Variants in HELLS observed in about 807,000 individuals in gnomAD.
The protein encoded by HELLS is lymphoid-specific helicase.
HELLS carries 32 observed loss-of-function variants against 120.0 expected under a neutral mutation model. That is an observed-to-expected ratio of 0.27 (90% confidence interval 0.20 to 0.36). HELLS has a LOEUF of 0.36. Among genes scored for constraint, HELLS ranks in the 10% least tolerant of loss-of-function variants. HELLS has a pLI of 1.00. For synonymous variants in HELLS, 341 were observed against 323.4 expected, an observed-to-expected ratio of 1.05 and a Z score of -0.58; for missense variants, 650 against 993.4, an observed-to-expected ratio of 0.65 and a Z score of 4.65.
In HELLS at chr10:94,576,666, C is replaced by G. The variant is rs886158385; in HGVS notation, c.893C>G (p.Pro298Arg). The G allele has an allele frequency of 6.3e-7, 1 of 1,580,394 alleles. No individual in the cohort carries two copies. Among genetic ancestry groups the G allele is most frequent in the African/African-American group, 1.4e-5 (1 of 73,814 alleles). ...AEFKRFTPDI[P>R]TMLYHGTQEE... ...AATCAATATAAAATTTTTCAGATCC[C>G]TACAATGTTATATCATGGAACCCAG... is the stretch of plus-strand genomic sequence containing the variant. Residue 298 changes from proline (P) to arginine (R), a missense_variant, in exon 10 of 22, where the codon CCT becomes CGT. Transcript: ENST00000348459.
At chr10:94,551,567 A>G (rs112575546) in intron 2 of HELLS, among the ~76,000 whole-genome samples, 1 of 151,952 alleles carries the variant, frequency 6.6e-6, no homozygotes, top group Non-Finnish European at 1.5e-5. Context: ...ACTCCATCTC[A>G]AAAAAGAAAA....
At chr10:94,605,621 TGG>T (rs1368230422), downstream of HELLS, among the ~76,000 whole-genome samples, 1 of 151,002 alleles carries the variant, frequency 6.6e-6, no homozygotes, top group African/African-American at 2.4e-5. Context: ...TCCAGTGTTG[TGG>T]GAGAGAAAAT....
intron 2 of HELLS, among the ~76,000 whole-genome samples, chr10:94,547,752 A>C (rs1466339379): frequency 6.6e-6 from 1 of 152,202 alleles, no homozygotes; most frequent in Non-Finnish European, 1.5e-5. Flanking sequence ...AGGCACATAG[A>C]GGTTGTTTGG....
intron 6 of HELLS, among the ~76,000 whole-genome samples, chr10:94,563,192 T>A (rs1338124558): frequency 6.6e-6 from 1 of 150,460 alleles, no homozygotes; most frequent in Non-Finnish European, 1.5e-5. Flanking sequence ...ACCTCGCGGG[T>A]TCAAGCGATT....
chr10:94,576,160 C>G (rs992753690), intron 9 of HELLS, among the ~76,000 whole-genome samples: 1 of 151,952 alleles, frequency 6.6e-6, no homozygotes, highest in African/African-American at 2.4e-5. Flanking sequence ...GTTGCTCAGG[C>G]TGGAGTGCAG....
chr10:94,592,595 C>A, intron 17 of HELLS, 81 bp downstream of exon 17: 3 of 931,198 alleles, frequency 3.2e-6, no homozygotes, highest in Non-Finnish European at 4.5e-6. Flanking sequence ...TCCAAATAGA[C>A]CCACAAATTG....
At chr10:94,553,205 T>C (rs1008567528) in intron 2 of HELLS, among the ~76,000 whole-genome samples, 4 of 152,070 alleles carry the variant, frequency 2.6e-5, no homozygotes, top group African/African-American at 9.7e-5. Flanking sequence ...CAAGGTAATA[T>C]AATAACACGG....
intron 2 of HELLS, among the ~76,000 whole-genome samples, chr10:94,550,075 C>G: frequency 6.6e-6 from 1 of 152,126 alleles, no homozygotes; most frequent in African/African-American, 2.4e-5. Flanking sequence ...CATGTGCCGC[C>G]AAGCCTGGCT....
chr10:94,564,060 T>G (rs1415011602), intron 6 of HELLS, among the ~76,000 whole-genome samples: 1 of 152,184 alleles, frequency 6.6e-6, no homozygotes, highest in Non-Finnish European at 1.5e-5. Context: ...TCCACCCGCC[T>G]TGGCCTCCAA....
chr10:94,554,397 A>T (rs1046028345), intron 3 of HELLS, 149 bp downstream of exon 3: 6 of 523,536 alleles, frequency 1.1e-5, no homozygotes, highest in Non-Finnish European at 1.9e-5. Context: ...CTGTGTAACC[A>T]CCAGCACAAT....
intron 2 of HELLS, among the ~76,000 whole-genome samples, chr10:94,549,458 A>G (rs1239850328): frequency 6.6e-6 from 1 of 152,198 alleles, no homozygotes; most frequent in African/African-American, 2.4e-5. Context: ...CCTTTAAAAG[A>G]AGTCATTGTT....
intron 13 of HELLS, among the ~76,000 whole-genome samples, chr10:94,590,141 G>A (rs888495810): frequency 7.2e-5 from 11 of 152,054 alleles, no homozygotes; most frequent in African/African-American, 1.2e-4. Flanking sequence ...GCAAATTTCC[G>A]GAGCCATATT....
At chr10:94,586,822 G>T (rs1297254381) in intron 12 of HELLS, among the ~76,000 whole-genome samples, 5 of 152,016 alleles carry the variant, frequency 3.3e-5, no homozygotes, top group African/African-American at 1.2e-4. Flanking sequence ...CTTCCGAGTA[G>T]CTGGGATTCT....
intron 6 of HELLS, among the ~76,000 whole-genome samples, chr10:94,566,297 A>G (rs958257270): frequency 3.9e-5 from 6 of 152,214 alleles, no homozygotes; most frequent in Non-Finnish European, 7.3e-5. Flanking sequence ...GAAGGATAAA[A>G]GTTAAATTAT....
In HELLS at chr10:94,581,804, A is replaced by T. The variant is rs142322185; in HGVS notation, c.1229+282A>T. On this transcript the variant is annotated intron_variant, in intron 11 of 21. Transcript: ENST00000348459. ...TGTTACCTTTGTAAAACATTTTAAG[A>T]TGGATTTTTCTTACTATATCCTCAT... Among the ~76,000 whole-genome samples the T allele has an allele frequency of 2.0e-4, 30 of 152,318 alleles. No homozygotes were observed. The East Asian group carries it at 4.6e-3, about 23-fold the overall frequency.
At chr10:94,605,325 C>T (rs1005612464), downstream of HELLS, among the ~76,000 whole-genome samples, 24 of 152,218 alleles carry the variant, frequency 1.6e-4, no homozygotes, top group African/African-American at 5.5e-4. Context: ...TCAGGTGATC[C>T]ACCCTCCTCG....
intron 2 of HELLS, 119 bp downstream of exon 2, chr10:94,546,617 A>G: frequency 9.1e-7 from 1 of 1,098,698 alleles, no homozygotes; most frequent in Non-Finnish European, 1.3e-6. Context: ...ACTGAAAGAA[A>G]ACAGCTTTAT....
intron 4 of HELLS, among the ~76,000 whole-genome samples, chr10:94,560,092 G>A (rs1843476159): frequency 6.6e-6 from 1 of 152,038 alleles, no homozygotes; most frequent in African/African-American, 2.4e-5. Flanking sequence ...GGATGCAGTG[G>A]CGTGATTTCG....
chr10:94,573,933 A>G (rs1323291532), intron 7 of HELLS, 27 bp from the exon 8 acceptor site: 4 of 1,350,152 alleles, frequency 3.0e-6, no homozygotes, highest in Non-Finnish European at 4.2e-6. Flanking sequence ...TGTATAACAC[A>G]TCTTATTAAA....
Sources: allele counts gnomAD v4.1 joint callset (sites outside exome capture counted in the v4.1 genomes callset), GRCh38; gene constraint gnomAD v4.1.1; transcripts MANE v1.5; gene names NCBI Gene and HGNC (gene_info 2026-07-23, HGNC 2026-07-21).